The following NCBP3 variants were observed in gnomAD, a reference collection of about 807,000 sequenced individuals.
The protein encoded by NCBP3 is nuclear cap-binding protein subunit 3.
NCBP3 carries 20 observed loss-of-function variants against 75.7 expected under a neutral mutation model. That is an observed-to-expected ratio of 0.26 (90% CI 0.19 to 0.38). The LOEUF is 0.38. NCBP3 is among the 10% of genes least tolerant of loss of function. NCBP3 has a pLI of 1.00. For synonymous variants in NCBP3, 293 were observed against 290.5 expected, an observed-to-expected ratio of 1.01 and a Z score of -0.09; for missense variants, 678 against 796.9, an observed-to-expected ratio of 0.85 and a Z score of 1.80.
Position 3,812,957 on chromosome 17 carries a change from A to C in NCBP3, c.*87T>G, listed in dbSNP as rs1305024319. 1 of 1,571,208 alleles carries C rather than the reference A, an allele frequency of 6.4e-7. No homozygotes were observed. The highest frequency in any genetic ancestry group is 1.4e-5 in the African/African-American group (1 of 73,472). ...GTGTGAGCAGGAGCGAGAGGGCGCC[A>C]GCTCCTGCGGGGGAGGTTCCTACTG... On this transcript the variant is annotated 3_prime_UTR_variant, in exon 13 of 13. Coordinates refer to ENST00000389005, the MANE Select transcript of NCBP3 (RefSeq NM_001114118.3).
At chr17:3,841,244 G>A (rs1256411569) in intron 2 of NCBP3, among the ~76,000 whole-genome samples, 1 of 152,160 alleles carries the variant, frequency 6.6e-6, no homozygotes, top group African/African-American at 2.4e-5. Flanking sequence ...CAAAGTGCCA[G>A]GATTACAGAT....
At chr17:3,826,271 A>G in intron 4 of NCBP3, 56 bp from the exon 5 acceptor site, 1 of 1,479,140 alleles carries the variant, frequency 6.8e-7, no homozygotes, top group Non-Finnish European at 9.0e-7. Flanking sequence ...AAGCTTCTTG[A>G]GAGCAGATTC....
At chr17:3,813,711 G>A (rs765441807) in intron 12 of NCBP3, among the ~76,000 whole-genome samples, 1 of 152,126 alleles carries the variant, frequency 6.6e-6, no homozygotes, top group Non-Finnish European at 1.5e-5. Context: ...TTAGAATTTT[G>A]TAGACGGCCA....
chr17:3,808,940 C>T lies in NCBP3; in HGVS notation c.*4104G>A, dbSNP rs2053366531. 1 of 152,024 alleles carries T rather than the reference C, an allele frequency of 6.6e-6. No homozygotes were observed. The highest frequency in any genetic ancestry group is 2.1e-4 in the South Asian group (1 of 4,808). 9.4% of individuals were successfully genotyped at this position (152,024 alleles called of 1,614,324 possible). A position where few individuals can be genotyped will look rare whatever the true frequency, so the allele number is the denominator to read the frequency against. On this transcript the variant is annotated 3_prime_UTR_variant, in exon 13 of 13. Coordinates refer to ENST00000389005, the MANE Select transcript of NCBP3 (RefSeq NM_001114118.3). ...ATATTTAAGAAAGTTCATCCTGAAGCATGTGAAAAGGTGCCCGACATCATT... is the reference window on the plus strand; with the variant it reads ...ATATTTAAGAAAGTTCATCCTGAAGTATGTGAAAAGGTGCCCGACATCATT...
At chr17:3,837,184 A>G (rs1186919929) in intron 3 of NCBP3, among the ~76,000 whole-genome samples, 1 of 149,026 alleles carries the variant, frequency 6.7e-6, no homozygotes, top group Non-Finnish European at 1.5e-5. Context: ...ATAAATAAAA[A>G]TTACCTGAGA....
chr17:3,833,744 T>C (rs2053927393), intron 3 of NCBP3, among the ~76,000 whole-genome samples: 1 of 152,218 alleles, frequency 6.6e-6, no homozygotes. Context: ...GTTTTTTTAA[T>C]GTTGTAATGT....
intron 9 of NCBP3, among the ~76,000 whole-genome samples, chr17:3,819,788 A>C (rs1439193390): frequency 5.3e-5 from 8 of 152,296 alleles, no homozygotes; most frequent in African/African-American, 1.4e-4. Context: ...TATTATGAAA[A>C]CAAATGGGAA....
chr17:3,836,531 T>C (rs1308541076), intron 3 of NCBP3, among the ~76,000 whole-genome samples: 1 of 151,232 alleles, frequency 6.6e-6, no homozygotes, highest in Non-Finnish European at 1.5e-5. Context: ...CAGGTGCCTG[T>C]AATCCCAGCT....
At position 3,810,437 on chromosome 17, in the gene NCBP3, T is replaced by C. The variant is rs1459807903; in HGVS notation, c.*2607A>G. On this transcript the variant is annotated 3_prime_UTR_variant, in exon 13 of 13. Transcript: ENST00000389005. ...CAATTATCATCAAGCAGCAAACATG[T>C]ATGTAAAATCTCCTACACATAAGAC... The C allele has an allele frequency of 6.6e-6, 1 of 152,136 alleles. No homozygotes were observed. Among genetic ancestry groups the C allele is most frequent in the Non-Finnish European group, 1.5e-5 (1 of 68,030 alleles). The allele number at this position is 152,136 out of a possible 1,614,324, so 9.4% of individuals were successfully genotyped here. A position where few individuals can be genotyped will look rare whatever the true frequency, so the allele number is the denominator to read the frequency against.
chr17:3,845,622 G>A (rs1282738156), intron 1 of NCBP3, among the ~76,000 whole-genome samples: 1 of 152,056 alleles, frequency 6.6e-6, no homozygotes, highest in Non-Finnish European at 1.5e-5. Context: ...AATTCCTCCG[G>A]GGCAAGACCC....
chr17:3,830,414 T>C (rs2053857222), intron 3 of NCBP3, among the ~76,000 whole-genome samples: 1 of 152,092 alleles, frequency 6.6e-6, no homozygotes, highest in Admixed American at 6.6e-5. Context: ...TTGTAAAAAA[T>C]TACATGCAAG....
rs751123220 is a variant in NCBP3, at chr17:3,821,317, T to C, written c.932A>G (p.Asp311Gly). ...RRYHSRRIQR[D>G]VIKKRALIGD... ...AATCAGGGCTCTCTTCTTGATCACG[T>C]CCCGCTGAATACGACGGGAATGATA... Residue 311 changes from aspartate to glycine, a missense_variant, in exon 9 of 13, where the codon GAC becomes GGC. Physicochemically the swap from Asp to Gly is moderately conservative, Grantham distance 94. Transcript: ENST00000389005. 2 of 1,614,094 alleles carry C rather than the reference T, an allele frequency of 1.2e-6. No homozygotes were observed. The highest frequency in any genetic ancestry group is 1.7e-6 in the Non-Finnish European group (2 of 1,179,968).
rs968744887 is a variant in NCBP3 at position 3,808,386 on chromosome 17, C to T, written c.*4658G>A. On this transcript the variant is annotated 3_prime_UTR_variant, in exon 13 of 13. Coordinates refer to ENST00000389005, the MANE Select transcript of NCBP3 (RefSeq NM_001114118.3). ...TTTATCTTAGGCACTGACCTTAGAA[C>T]TGAATCCTGGAGAGAGCTGAGACTC... 3 of 152,198 alleles carry T rather than the reference C, an allele frequency of 2.0e-5. No individual in the cohort carries two copies. The highest frequency in any genetic ancestry group is 7.2e-5 in the African/African-American group (3 of 41,440). The allele number at this position is 152,198 out of a possible 1,614,324, so 9.4% of individuals were successfully genotyped here.
At chr17:3,819,780 T>C (rs1487161525) in intron 9 of NCBP3, among the ~76,000 whole-genome samples, 1 of 152,132 alleles carries the variant, frequency 6.6e-6, no homozygotes, top group African/African-American at 2.4e-5. Flanking sequence ...ATACTATTTA[T>C]TATGAAAACA....
chr17:3,819,643 T>C (rs1239136719), intron 9 of NCBP3, among the ~76,000 whole-genome samples: 1 of 152,022 alleles, frequency 6.6e-6, no homozygotes, highest in Non-Finnish European at 1.5e-5. Flanking sequence ...AGAGGCTATG[T>C]ACGATTCAGT....
chr17:3,829,098 C>T, intron 4 of NCBP3, 145 bp downstream of exon 4: 1 of 891,084 alleles, frequency 1.1e-6, no homozygotes, highest in Non-Finnish European at 1.7e-6. Context: ...TTTCACTGCT[C>T]GACAATTTTT....
Position 3,821,215 on chromosome 17 carries a change from CAT to C in NCBP3, c.1000+32_1000+33del, listed in dbSNP as rs767652904. The C allele has an allele frequency of 6.2e-5, 90 of 1,457,134 alleles. 1 individual carries two copies. Among genetic ancestry groups the C allele is most frequent in the African/African-American group, 1.8e-4 (13 of 71,772 alleles). 90.3% of individuals were successfully genotyped at this position (1,457,134 alleles called of 1,614,324 possible). A position where few individuals can be genotyped will look rare whatever the true frequency, so the allele number is the denominator to read the frequency against. ...TAAAAATATGATTTCAGGAGCCAAA[CAT>C]GTGTCTACCCAAGAGCTGAGCAGGC... is the stretch of plus-strand genomic sequence containing the variant. On this transcript the variant is annotated intron_variant, in intron 9 of 12. Transcript: ENST00000389005.
At chr17:3,845,572 C>T (rs758217033) in intron 1 of NCBP3, among the ~76,000 whole-genome samples, 2 of 152,306 alleles carry the variant, frequency 1.3e-5, no homozygotes, top group Middle Eastern at 6.8e-3. Flanking sequence ...AAGTGCAGCC[C>T]TCTCAAGACA....
chr17:3,843,033 C>A (rs2054094000), intron 2 of NCBP3, 53 bp downstream of exon 2: 3 of 1,324,710 alleles, frequency 2.3e-6, no homozygotes, highest in African/African-American at 1.5e-5. Flanking sequence ...GGATCAAATT[C>A]ATTAAGTTCA....
Sources: allele counts gnomAD v4.1 joint callset (sites outside exome capture counted in the v4.1 genomes callset), GRCh38; gene constraint gnomAD v4.1.1; transcripts MANE v1.5; gene names NCBI Gene and HGNC (gene_info 2026-07-23, HGNC 2026-07-21).